Variants in ECE1 observed in about 807,000 individuals in gnomAD.
ECE1 encodes the protein endothelin-converting enzyme 1.
ECE1 carries 35 observed loss-of-function variants against 98.6 expected under a neutral mutation model. That is an observed-to-expected ratio of 0.35 (90% confidence interval 0.27 to 0.47). ECE1 has a LOEUF of 0.47. Ranked by LOEUF, ECE1 falls within the 20% of genes least tolerant of loss-of-function variation. The pLI is 1.00. For missense variants in ECE1, 814 were observed against 1,025.3 expected, an observed-to-expected ratio of 0.79 and a Z score of 2.81; for synonymous variants, 394 against 407.1, an observed-to-expected ratio of 0.97 and a Z score of 0.39.
At chr1:21,304,405 C>T (rs1249125974) in intron 1 of ECE1, among the ~76,000 whole-genome samples, 2 of 151,884 alleles carry the variant, frequency 1.3e-5, no homozygotes, top group African/African-American at 2.4e-5. Context: ...GTGGCCACCT[C>T]CTCTGGACAG....
At chr1:21,323,112 A>C (rs958638554) in intron 1 of ECE1, among the ~76,000 whole-genome samples, 1 of 152,222 alleles carries the variant, frequency 6.6e-6, no homozygotes. Context: ...GCTCCAAAAT[A>C]GTACCTTTTT....
At chr1:21,277,909 C>T (rs1009684725) in intron 3 of ECE1, among the ~76,000 whole-genome samples, 6 of 152,182 alleles carry the variant, frequency 3.9e-5, no homozygotes, top group African/African-American at 1.4e-4. Context: ...GTGCCTTACC[C>T]AGGAGGGATG....
intron 1 of ECE1, among the ~76,000 whole-genome samples, chr1:21,330,302 C>G (rs1639173770): frequency 7.8e-6 from 1 of 128,232 alleles, no homozygotes; most frequent in Non-Finnish European, 1.6e-5. Context: ...GTGGCATGAT[C>G]TCCACTCACT....
At chr1:21,228,259 G>A (rs779792540) in intron 14 of ECE1, among the ~76,000 whole-genome samples, 4 of 152,120 alleles carry the variant, frequency 2.6e-5, no homozygotes, top group South Asian at 2.1e-4. Context: ...GAGTGCAGTC[G>A]TGTGATCATG....
intron 10 of ECE1, among the ~76,000 whole-genome samples, chr1:21,244,258 C>T (rs535491736): frequency 5.3e-5 from 8 of 152,312 alleles, no homozygotes; most frequent in Admixed American, 6.5e-5. Flanking sequence ...TCAGCACATA[C>T]GAGAACTGGT....
chr1:21,318,264 A>G (rs1638876050), intron 1 of ECE1, among the ~76,000 whole-genome samples: 1 of 152,174 alleles, frequency 6.6e-6, no homozygotes, highest in East Asian at 1.9e-4. Flanking sequence ...CTGCTGGCGC[A>G]TGTGCAGGAA....
chr1:21,282,287 C>G (rs2098255489), intron 2 of ECE1, among the ~76,000 whole-genome samples: 1 of 151,738 alleles, frequency 6.6e-6, no homozygotes, highest in Admixed American at 6.6e-5. Context: ...AAGACCCTAT[C>G]TCAAAAAAGT....
Position 21,235,944 on chromosome 1 carries a change from G to C in ECE1, c.1489-17C>G. ...GGCATCGGCCTGGACAGGACAGACA[G>C]AGGAAGTGAGTGCCCGGCAACATCG... is the stretch of plus-strand genomic sequence containing the variant. On this transcript the variant is annotated splice_polypyrimidine_tract_variant and intron_variant, in intron 12 of 18. Coordinates refer to ENST00000374893, the MANE Select transcript of ECE1 (RefSeq NM_001397.3). The surrounding 1 kb of genome is among the most constrained non-coding windows in gnomAD (Gnocchi z 4.2). 6.2e-7 allele frequency: 1 copy of C among 1,613,062 alleles called. No individual in the cohort carries two copies. Among genetic ancestry groups the C allele is most frequent in the Non-Finnish European group, 8.5e-7 (1 of 1,178,992 alleles).
At position 21,307,539 on chromosome 1, in the gene ECE1, A is replaced by G. The variant is rs1224365080; in HGVS notation, c.4-17383T>C. Among the ~76,000 whole-genome samples the G allele has an allele frequency of 6.6e-6, 1 of 152,172 alleles. No homozygotes were observed. Among genetic ancestry groups the G allele is most frequent in the East Asian group, 1.9e-4 (1 of 5,198 alleles). On this transcript the variant is annotated intron_variant, in intron 1 of 18. Coordinates refer to the ECE1 transcript ENST00000415912. This position sits in a 1 kb window ranked among gnomAD's most constrained non-coding sequence, Gnocchi z 4.2. Reference sequence around the variant, plus strand: ...AAAGCAAGTTTTAAACATGATCACTACAGTCATTGATGTGAGGACGTCAGC... The same window carrying G: ...AAAGCAAGTTTTAAACATGATCACTGCAGTCATTGATGTGAGGACGTCAGC...
chr1:21,261,672 C>T (rs2098227068), intron 4 of ECE1, among the ~76,000 whole-genome samples: 1 of 152,174 alleles, frequency 6.6e-6, no homozygotes, highest in African/African-American at 2.4e-5. Context: ...GTGCCTGGCA[C>T]CCAGCAGAAA....
At chr1:21,312,155 T>G (rs1246854755) in intron 1 of ECE1, among the ~76,000 whole-genome samples, 1 of 148,660 alleles carries the variant, frequency 6.7e-6, no homozygotes, top group African/African-American at 2.5e-5. Flanking sequence ...TTTTTTTAAT[T>G]AGTCTGGTGT....
intron 17 of ECE1, among the ~76,000 whole-genome samples, chr1:21,224,220 G>A (rs1388079526): frequency 1.3e-5 from 2 of 152,152 alleles, no homozygotes; most frequent in Non-Finnish European, 2.9e-5. Context: ...AAGGCCTGCC[G>A]TGGCCAGCGT....
At chr1:21,288,965 G>A (rs1291909576) in intron 2 of ECE1, among the ~76,000 whole-genome samples, 2 of 152,210 alleles carry the variant, frequency 1.3e-5, no homozygotes, top group Admixed American at 1.3e-4. Flanking sequence ...GGGACTGTGA[G>A]TTTGGGTCCC....
At chr1:21,253,024 G>C (rs965627129) in intron 8 of ECE1, among the ~76,000 whole-genome samples, 2 of 149,964 alleles carry the variant, frequency 1.3e-5, no homozygotes, top group Non-Finnish European at 3.0e-5. Context: ...CAGGGGGCCA[G>C]GACTTCTTTA....
intron 11 of ECE1, among the ~76,000 whole-genome samples, chr1:21,237,396 C>A (rs1028218868): frequency 1.3e-5 from 2 of 152,096 alleles, no homozygotes; most frequent in Non-Finnish European, 2.9e-5. Context: ...CAGAGCTGTG[C>A]GGCAACAAGA....
At chr1:21,223,141 A>AT (rs971388725) in intron 17 of ECE1, among the ~76,000 whole-genome samples, 1 of 151,084 alleles carries the variant, frequency 6.6e-6, no homozygotes, top group African/African-American at 2.4e-5. Flanking sequence ...TGCCCAGCTA[A>AT]TTTTTTTGTA....
intron 1 of ECE1, among the ~76,000 whole-genome samples, chr1:21,344,149 A>G (rs1257549136): frequency 2.0e-5 from 3 of 151,734 alleles, no homozygotes; most frequent in Admixed American, 6.5e-5. Flanking sequence ...TAGCTGGGTG[A>G]GAAGAGGCCT....
upstream of ECE1, among the ~76,000 whole-genome samples, chr1:21,292,866 G>T (rs982085818): frequency 6.6e-6 from 1 of 152,168 alleles, no homozygotes; most frequent in Non-Finnish European, 1.5e-5. Context: ...ACTCCCACTG[G>T]GTGGAGGAGT....
chr1:21,260,174 G>A lies in ECE1; in HGVS notation c.615+97C>T. The A allele has an allele frequency of 6.4e-7, 1 of 1,551,600 alleles. No individual in the cohort carries two copies. Among genetic ancestry groups the A allele is most frequent in the South Asian group, 1.1e-5 (1 of 89,800 alleles). On this transcript the variant is annotated intron_variant, in intron 5 of 18. Transcript: ENST00000374893. The surrounding 1 kb of genome is among the most constrained non-coding windows in gnomAD (Gnocchi z 4.3). ...TCTTGGTGCTACCGGCTGGACGTAT[G>A]AGGTGGGCCAGTGGTACCAGAAGGC...
Sources: allele counts gnomAD v4.1 joint callset (sites outside exome capture counted in the v4.1 genomes callset), GRCh38; gene constraint gnomAD v4.1.1; non-coding constraint Gnocchi (gnomAD v3.1); transcripts MANE v1.5; gene names NCBI Gene and HGNC (gene_info 2026-07-23, HGNC 2026-07-21).